The following AFF3 variants were observed in gnomAD, a reference collection of about 807,000 sequenced individuals.
AFF3 encodes the protein ALF transcription elongation factor 3.
AFF3 carries 32 observed loss-of-function variants against 129.7 expected under a neutral mutation model. The ratio of observed to expected loss-of-function variants is 0.25; its 90% CI spans 0.19 to 0.33. The LOEUF is 0.33. AFF3 is among the 10% of genes least tolerant of loss of function. The pLI, the probability that AFF3 is intolerant of heterozygous loss-of-function variation, is 1.00. For synonymous variants in AFF3, 644 were observed against 635.4 expected, an observed-to-expected ratio of 1.01 and a Z score of -0.20; for missense variants, 1,373 against 1,592.0, an observed-to-expected ratio of 0.86 and a Z score of 2.34.
chr2:99,812,729 T>C (rs1686892771), intron 8 of AFF3, among the ~76,000 whole-genome samples: 1 of 152,232 alleles, frequency 6.6e-6, no homozygotes, highest in South Asian at 2.1e-4. Flanking sequence ...AAATATACTT[T>C]CTATATGATT....
chr2:99,890,023 C>A (rs927792120), intron 7 of AFF3, among the ~76,000 whole-genome samples: 1 of 152,156 alleles, frequency 6.6e-6, no homozygotes, highest in African/African-American at 2.4e-5. Flanking sequence ...ACACAGGTGC[C>A]CTTTTGCGTG....
chr2:99,685,128 C>T (rs1004580805), intron 11 of AFF3, among the ~76,000 whole-genome samples: 5 of 151,838 alleles, frequency 3.3e-5, no homozygotes, highest in East Asian at 3.9e-4. Context: ...TAATAGAGAC[C>T]GGTTTTCACC....
chr2:99,667,298 A>G (rs1201006413), intron 12 of AFF3, among the ~76,000 whole-genome samples: 1 of 152,222 alleles, frequency 6.6e-6, no homozygotes, highest in African/African-American at 2.4e-5. Context: ...CATGAGTCAA[A>G]GAAGTCTTAC....
intron 7 of AFF3, among the ~76,000 whole-genome samples, chr2:99,951,041 T>C (rs62149262): frequency 0.095 from 14,503 of 152,254 alleles, 949 homozygotes; most frequent in Non-Finnish European, 0.13. Flanking sequence ...AATAGTGAAA[T>C]AAGCCTTTAT....
rs1385716804 is a variant in AFF3 at position 99,545,843 on chromosome 2, C to T, written c.*5631G>A. On this transcript the variant is annotated 3_prime_UTR_variant, in exon 25 of 25. Coordinates refer to ENST00000672756, the MANE Select transcript of AFF3 (RefSeq NM_001386135.1). The stretch of plus-strand genomic sequence containing the variant: ...GAGTGCCAATTAAAATAATAAAAAC[C>T]AAAACCGTGGGCAGATGTAATTAGT... The T allele has an allele frequency of 5.4e-6, 1 of 184,504 alleles. No homozygotes were observed. The highest frequency in any genetic ancestry group is 1.1e-5 in the Non-Finnish European group (1 of 86,974). The allele number at this position is 184,504 out of a possible 1,614,324, so 11.4% of individuals were successfully genotyped here. A position where few individuals can be genotyped will look rare whatever the true frequency, so the allele number is the denominator to read the frequency against.
chr2:99,862,552 C>A lies in AFF3; in HGVS notation c.874-25028G>T, dbSNP rs180802942. ...CAGATAATGCCCCACATCACTAGGT[C>A]TGGCCCAGTGCCCCACGGTGTGGTC... On this transcript the variant is annotated intron_variant, in intron 7 of 24. Transcript: ENST00000672756. Among the ~76,000 whole-genome samples, 5 of 152,372 alleles carry A rather than the reference C, an allele frequency of 3.3e-5. No individual in the cohort carries two copies. In the East Asian group the frequency reaches 7.7e-4, roughly 23 times the overall value.
chr2:99,882,885 C>T (rs997752549), intron 7 of AFF3, among the ~76,000 whole-genome samples: 3 of 152,154 alleles, frequency 2.0e-5, no homozygotes, highest in Non-Finnish European at 2.9e-5. Flanking sequence ...AAGAACAACA[C>T]TAATTAGTGA....
chr2:99,881,567 C>T (rs1327735631), intron 7 of AFF3, among the ~76,000 whole-genome samples: 1 of 151,732 alleles, frequency 6.6e-6, no homozygotes, highest in Admixed American at 6.6e-5. Context: ...TTCTCCAGTA[C>T]TATGGGATTG....
intron 4 of AFF3, among the ~76,000 whole-genome samples, chr2:100,074,207 T>TGCTGACCCCTCACTCCTTGGAATTTCCCA (rs1688418402): frequency 1.3e-5 from 2 of 152,228 alleles, no homozygotes; most frequent in Admixed American, 1.3e-4. Context: ...CGTTTTACTC[T>TGCTGACCCCTCACTCCTTGGAATTTCCCA]GCTGACCCCT....
At chr2:99,563,958 A>G (rs1470777532) in intron 20 of AFF3, among the ~76,000 whole-genome samples, 2 of 152,126 alleles carry the variant, frequency 1.3e-5, no homozygotes, top group East Asian at 3.9e-4. Context: ...GATTACTTCC[A>G]TCAGTGGGCA....
intron 13 of AFF3, chr2:99,630,869 T>C (rs1683059440): frequency 3.7e-6 from 1 of 267,488 alleles, no homozygotes; most frequent in Non-Finnish European, 8.2e-6. Flanking sequence ...GAGATTTGGG[T>C]GGTGACACAG....
At chr2:99,828,438 A>T (rs1688269906) in intron 8 of AFF3, among the ~76,000 whole-genome samples, 1 of 152,168 alleles carries the variant, frequency 6.6e-6, no homozygotes, top group Non-Finnish European at 1.5e-5. Context: ...GCTGCTGGAG[A>T]GAAGCAGCCT....
chr2:99,791,700 G>A (rs1685198788), intron 8 of AFF3, among the ~76,000 whole-genome samples: 1 of 152,162 alleles, frequency 6.6e-6, no homozygotes, highest in Admixed American at 6.5e-5. Context: ...TGAAAACCAT[G>A]ACTGGCCCAA....
intron 4 of AFF3, among the ~76,000 whole-genome samples, chr2:100,093,095 G>T (rs1227605842): frequency 2.0e-5 from 3 of 152,172 alleles, no homozygotes; most frequent in African/African-American, 7.2e-5. Flanking sequence ...ATATTTTAGG[G>T]CTCTAAAACA....
intron 8 of AFF3, among the ~76,000 whole-genome samples, chr2:99,792,975 C>A (rs781633516): frequency 7.2e-5 from 11 of 152,154 alleles, no homozygotes; most frequent in Non-Finnish European, 1.0e-4. Context: ...CAACCGGTAA[C>A]ATCTGAGTGA....
At chr2:99,592,951 G>T (rs1344665912) in intron 15 of AFF3, among the ~76,000 whole-genome samples, 1 of 68,926 alleles carries the variant, frequency 1.5e-5, no homozygotes, top group Non-Finnish European at 2.8e-5. Context: ...CCCAAAAAAA[G>T]GGATAATAAT....
At chr2:99,707,218 A>G in intron 11 of AFF3, 9 of 985,468 alleles carry the variant, frequency 9.1e-6, no homozygotes, top group Non-Finnish European at 1.1e-5. Flanking sequence ...TTAAAAAGCC[A>G]TCTCCTACAG....
chr2:99,656,510 C>A (rs1298510466), intron 12 of AFF3, among the ~76,000 whole-genome samples: 1 of 152,126 alleles, frequency 6.6e-6, no homozygotes, highest in Non-Finnish European at 1.5e-5. Context: ...AAAATTTAGA[C>A]CCAATCACAT....
At chr2:100,035,073 C>CACCT (rs1050474915) in intron 4 of AFF3, among the ~76,000 whole-genome samples, 2 of 152,188 alleles carry the variant, frequency 1.3e-5, no homozygotes, top group African/African-American at 4.8e-5. Flanking sequence ...ATAAACAATA[C>CACCT]ACCTGTCCAA....
Sources: allele counts gnomAD v4.1 joint callset (sites outside exome capture counted in the v4.1 genomes callset), GRCh38; gene constraint gnomAD v4.1.1; transcripts MANE v1.5; gene names NCBI Gene and HGNC (gene_info 2026-07-23, HGNC 2026-07-21).